The following DAB2 variants were observed in gnomAD, a reference collection of about 807,000 sequenced individuals.
DAB2 encodes DAB adaptor protein 2.
Under a neutral mutation model 71.6 loss-of-function variants are expected in DAB2, and 28 were observed. The observed-to-expected ratio is 0.39, with a 90% confidence interval of 0.29 to 0.54. DAB2 has a LOEUF of 0.54. Ranked by LOEUF, DAB2 falls within the 20% of genes least tolerant of loss-of-function variation. The pLI is 0.68. For missense variants in DAB2, 867 were observed against 928.8 expected (o/e 0.93, Z 0.86); for synonymous variants, 345 against 339.7 (o/e 1.02, Z -0.17).
chr5:39,398,600 A>G (rs147294136), intron 1 of DAB2, among the ~76,000 whole-genome samples: 67 of 152,340 alleles, frequency 4.4e-4, no homozygotes, highest in African/African-American at 1.4e-3. Flanking sequence ...TAGGCCATAC[A>G]ATTGAAAATA....
chr5:39,378,138 G>A (rs1489488420), intron 11 of DAB2, among the ~76,000 whole-genome samples: 1 of 152,142 alleles, frequency 6.6e-6, no homozygotes, highest in Admixed American at 6.5e-5. Flanking sequence ...TGATCTTTGT[G>A]GTGAATGGCT....
intron 11 of DAB2, 76 bp from the exon 12 acceptor site, chr5:39,377,358 C>T: frequency 6.8e-7 from 1 of 1,477,790 alleles, no homozygotes; most frequent in Non-Finnish European, 9.2e-7. Context: ...GAGCACAACT[C>T]TCTGGAAAGC....
intron 11 of DAB2, among the ~76,000 whole-genome samples, chr5:39,379,699 A>C (rs1292681857): frequency 6.6e-6 from 1 of 152,142 alleles, no homozygotes; most frequent in Non-Finnish European, 1.5e-5. Flanking sequence ...CTGAGGGCTC[A>C]GCTTTCTACA....
chr5:39,420,237 G>A (rs553508296), intron 1 of DAB2, among the ~76,000 whole-genome samples: 3 of 152,336 alleles, frequency 2.0e-5, no homozygotes, highest in Non-Finnish European at 4.4e-5. Context: ...GCAAACTTGT[G>A]TATGGCAGCT....
chr5:39,395,508 A>C (rs922686647), intron 1 of DAB2, among the ~76,000 whole-genome samples: 3 of 152,244 alleles, frequency 2.0e-5, no homozygotes, highest in Admixed American at 6.5e-5. Flanking sequence ...AATAAAAAGT[A>C]AGTCTCAAGT....
At chr5:39,383,327 A>G (rs1212797323) in intron 9 of DAB2, 56 bp from the exon 10 acceptor site, 6 of 1,333,032 alleles carry the variant, frequency 4.5e-6, no homozygotes, top group Non-Finnish European at 6.2e-6. Flanking sequence ...GTGACTTCAA[A>G]TGAGAAAATT....
chr5:39,379,600 G>C (rs1232275143), intron 11 of DAB2, among the ~76,000 whole-genome samples: 1 of 152,018 alleles, frequency 6.6e-6, no homozygotes, highest in Non-Finnish European at 1.5e-5. Flanking sequence ...GACAAAGTAG[G>C]GGCAAGGAAT....
intron 1 of DAB2, among the ~76,000 whole-genome samples, chr5:39,407,614 C>T (rs1755636166): frequency 6.6e-6 from 1 of 152,204 alleles, no homozygotes; most frequent in Non-Finnish European, 1.5e-5. Context: ...TGAATTAAGT[C>T]AACATAGATG....
chr5:39,379,709 A>C (rs1325145801), intron 11 of DAB2, among the ~76,000 whole-genome samples: 1 of 152,058 alleles, frequency 6.6e-6, no homozygotes, highest in Non-Finnish European at 1.5e-5. Context: ...AGCTTTCTAC[A>C]ATACCCTCTC....
At chr5:39,385,189 TTTA>T (rs1561368694) in intron 9 of DAB2, 1 of 152,082 alleles carries the variant, frequency 6.6e-6, no homozygotes, top group East Asian at 1.9e-4. Context: ...TAAAAAAAAA[TTTA>T]ATCAGAGAAA....
chr5:39,394,425 TA>T lies in DAB2; in HGVS notation c.-101-5del. 1.2e-6 allele frequency: 1 copy of T among 846,710 alleles called. No homozygotes were observed. Among genetic ancestry groups the T allele is most frequent in the Non-Finnish European group, 2.0e-6 (1 of 495,044 alleles). 52.4% of individuals were successfully genotyped at this position (846,710 alleles called of 1,614,324 possible). ...AAACATAACCTCCCACAGACACCTG[TA>T]GGCAGAGTTTAGAGGCATATTGAGA... On this transcript the variant is annotated splice_region_variant and splice_polypyrimidine_tract_variant and intron_variant, in intron 1 of 14. Coordinates refer to ENST00000320816, the MANE Select transcript of DAB2 (RefSeq NM_001343.4).
chr5:39,414,787 T>A (rs1366792272), intron 1 of DAB2, among the ~76,000 whole-genome samples: 1 of 152,146 alleles, frequency 6.6e-6, no homozygotes, highest in Admixed American at 6.5e-5. Context: ...TCCATTTTGC[T>A]CACTCTATAA....
intron 11 of DAB2, among the ~76,000 whole-genome samples, chr5:39,380,420 G>A (rs187543473): frequency 6.6e-6 from 1 of 152,338 alleles, no homozygotes; most frequent in African/African-American, 2.4e-5. Flanking sequence ...CTGACTGCAG[G>A]AGGCAGAGAA....
At chr5:39,398,494 GA>G (rs1039413802) in intron 1 of DAB2, among the ~76,000 whole-genome samples, 8 of 152,124 alleles carry the variant, frequency 5.3e-5, no homozygotes, top group Non-Finnish European at 7.4e-5. Context: ...GGACAAGGAA[GA>G]AAAAAATAAG....
intron 2 of DAB2, 129 bp downstream of exon 2, chr5:39,394,098 TAGG>T (rs1755299440): frequency 1.4e-6 from 1 of 692,424 alleles, no homozygotes; most frequent in African/African-American, 1.8e-5. Context: ...ACTTTCCTAT[TAGG>T]AGAACATGAG....
chr5:39,374,313 C>T (rs1229325727), intron 14 of DAB2, among the ~76,000 whole-genome samples: 1 of 142,260 alleles, frequency 7.0e-6, no homozygotes, highest in African/African-American at 2.5e-5. Flanking sequence ...TAAATTCAGT[C>T]TTTTGAGATC....
In DAB2 at chr5:39,376,695, C is replaced by T. The variant is rs1450080285; in HGVS notation, c.2092G>A (p.Asp698Asn). The T allele has an allele frequency of 1.2e-6, 2 of 1,614,134 alleles. No homozygotes were observed. Among genetic ancestry groups the T allele is most frequent in the Non-Finnish European group, 1.7e-6 (2 of 1,180,004 alleles). The change falls in exon 12 of 15, where the codon GAC (aspartate) becomes AAC (asparagine). Residue 698 changes from aspartate to asparagine, a missense_variant. This residue lies in a region of DAB2 where 740 missense variants were observed against 734.3 expected (regional missense o/e 1.01). Transcript: ENST00000320816. The stretch of plus-strand genomic sequence containing the variant: ...TGATTAGCATCAAAGTCATCATGGT[C>T]TGCATTCTCCTGAGGAATGCCAACC... ...SKVGIPQENADHDDFDANQLL... is the reference protein window; with the variant it reads ...SKVGIPQENANHDDFDANQLL...
intron 3 of DAB2, 55 bp from the exon 4 acceptor site, chr5:39,392,518 G>A: frequency 7.8e-7 from 1 of 1,287,810 alleles, no homozygotes; most frequent in Non-Finnish European, 1.1e-6. Flanking sequence ...TCCTACAATG[G>A]TTTTAATATT....
intron 1 of DAB2, among the ~76,000 whole-genome samples, chr5:39,415,549 A>T (rs974112698): frequency 6.6e-6 from 1 of 152,204 alleles, no homozygotes; most frequent in Non-Finnish European, 1.5e-5. Flanking sequence ...CTTTCAGATC[A>T]GGCCAAACAT....
Sources: allele counts gnomAD v4.1 joint callset (sites outside exome capture counted in the v4.1 genomes callset), GRCh38; gene constraint gnomAD v4.1.1; regional missense constraint gnomAD v4.1.1; transcripts MANE v1.5; gene names NCBI Gene and HGNC (gene_info 2026-07-23, HGNC 2026-07-21).